ASB3: variants seen among roughly 807,000 people sequenced by gnomAD.
The protein encoded by ASB3 is ankyrin repeat and SOCS box containing 3.
ASB3 carries 41 observed loss-of-function variants against 54.5 expected under a neutral mutation model. The ratio of observed to expected loss-of-function variants is 0.75; its 90% CI spans 0.59 to 0.98. The LOEUF (loss-of-function observed/expected upper bound fraction) is 0.98. Among genes scored for constraint, ASB3 ranks in the 50% least tolerant of loss-of-function variants. The probability of loss-of-function intolerance (pLI) is 0.00; values close to 1 mark genes in which losing one functional copy is unlikely to be tolerated. For missense variants in ASB3, 733 were observed against 620.0 expected (o/e 1.18, Z -1.94); for synonymous variants, 266 against 221.2 (o/e 1.20, Z -1.80).
At chr2:53,755,701 A>G (rs1672775150) in intron 2 of ASB3, among the ~76,000 whole-genome samples, 1 of 152,248 alleles carries the variant, frequency 6.6e-6, no homozygotes, top group Non-Finnish European at 1.5e-5. Context: ...CAGAGACTTC[A>G]TAATGCACAC....
intron 1 of ASB3, chr2:53,772,030 G>C (rs1673956113): frequency 2.5e-6 from 2 of 804,518 alleles, no homozygotes; most frequent in East Asian, 2.8e-5. Flanking sequence ...AATCATCACA[G>C]ACAATTTGAA....
At chr2:53,781,098 C>A (rs1674618317) in intron 1 of ASB3, among the ~76,000 whole-genome samples, 1 of 151,990 alleles carries the variant, frequency 6.6e-6, no homozygotes, top group Non-Finnish European at 1.5e-5. Context: ...GAAATTAAGG[C>A]CTACAATTTT....
At chr2:53,745,679 C>T (rs1398819413) in intron 3 of ASB3, among the ~76,000 whole-genome samples, 1 of 152,180 alleles carries the variant, frequency 6.6e-6, no homozygotes, top group African/African-American at 2.4e-5. Context: ...TAGCCTCTAG[C>T]AATAGGCTAG....
chr2:53,716,066 A>G (rs1387667504), intron 6 of ASB3, among the ~76,000 whole-genome samples: 1 of 152,162 alleles, frequency 6.6e-6, no homozygotes, highest in Non-Finnish European at 1.5e-5. Flanking sequence ...ACTAGCTTCT[A>G]AGATTCCTGG....
intron 7 of ASB3, among the ~76,000 whole-genome samples, chr2:53,713,306 T>C (rs1670208583): frequency 6.6e-6 from 1 of 152,218 alleles, no homozygotes; most frequent in East Asian, 1.9e-4. Flanking sequence ...AGATTCATAA[T>C]AGTGAATTCA....
chr2:53,751,163 G>A (rs1420357955), intron 2 of ASB3, among the ~76,000 whole-genome samples: 9 of 152,098 alleles, frequency 5.9e-5, no homozygotes, highest in African/African-American at 1.9e-4. Flanking sequence ...CTGTCCACTA[G>A]CTCCCATTTT....
At chr2:53,781,530 T>C (rs1044243210) in intron 1 of ASB3, among the ~76,000 whole-genome samples, 3 of 152,174 alleles carry the variant, frequency 2.0e-5, no homozygotes, top group African/African-American at 7.2e-5. Flanking sequence ...AGTTTCACTC[T>C]TGTTGCCCAG....
intron 3 of ASB3, 70 bp from the exon 4 acceptor site, chr2:53,729,640 A>C (rs748199918): frequency 9.6e-6 from 13 of 1,353,142 alleles, no homozygotes; most frequent in Admixed American, 1.7e-5. Context: ...CACTTTGGTG[A>C]TGTTCTCATC....
chr2:53,714,744 C>T (rs750033721), intron 6 of ASB3, among the ~76,000 whole-genome samples, 163 bp from the exon 7 acceptor site: 1 of 152,060 alleles, frequency 6.6e-6, no homozygotes, highest in Non-Finnish European at 1.5e-5. Flanking sequence ...CTATTACATG[C>T]TATATATTTA....
At chr2:53,721,752 A>T (rs1670724398) in intron 5 of ASB3, among the ~76,000 whole-genome samples, 1 of 152,220 alleles carries the variant, frequency 6.6e-6, no homozygotes, top group East Asian at 1.9e-4. Context: ...GAAAGATCTC[A>T]AATTAATGAT....
intron 9 of ASB3, among the ~76,000 whole-genome samples, chr2:53,677,495 TA>T (rs1403162518): frequency 3.3e-5 from 5 of 149,918 alleles, no homozygotes; most frequent in Non-Finnish European, 6.0e-5. Flanking sequence ...AGGTTTTTTT[TA>T]AAAAAAAACT....
intron 7 of ASB3, among the ~76,000 whole-genome samples, chr2:53,705,781 T>C: frequency 6.6e-6 from 1 of 152,224 alleles, no homozygotes; most frequent in Non-Finnish European, 1.5e-5. Context: ...TCTTTTGTAC[T>C]TCTGTGTGGA....
chr2:53,770,294 A>G (rs1252164550), intron 1 of ASB3, among the ~76,000 whole-genome samples: 1 of 152,204 alleles, frequency 6.6e-6, no homozygotes, highest in Admixed American at 6.5e-5. Context: ...TTCCATGATT[A>G]CAAATTATCT....
intron 1 of ASB3, chr2:53,786,224 G>A (rs1472357283): frequency 2.0e-5 from 3 of 152,186 alleles, no homozygotes; most frequent in Admixed American, 1.3e-4. Flanking sequence ...GCAGTCAGAC[G>A]TGACTTAGTT....
intron 9 of ASB3, 144 bp downstream of exon 9, chr2:53,693,740 C>T (rs1336445700): frequency 1.7e-6 from 2 of 1,152,552 alleles, no homozygotes; most frequent in Non-Finnish European, 2.3e-6. Flanking sequence ...CCCCTAACAA[C>T]CCCATCTTTT....
intron 1 of ASB3, chr2:53,774,696 C>G (rs1455186070): frequency 5.8e-6 from 3 of 515,066 alleles, no homozygotes; most frequent in Non-Finnish European, 9.7e-6. Flanking sequence ...AAGAAAAATT[C>G]AAATTTTAAT....
At chr2:53,733,444 C>A (rs1403889328) in intron 3 of ASB3, among the ~76,000 whole-genome samples, 2 of 129,416 alleles carry the variant, frequency 1.5e-5, no homozygotes, top group African/African-American at 6.6e-5. Context: ...TTCTCCACTT[C>A]CTTTTTTTTT....
intron 6 of ASB3, among the ~76,000 whole-genome samples, chr2:53,715,150 G>A (rs866476558): frequency 5.9e-5 from 9 of 151,906 alleles, no homozygotes; most frequent in Non-Finnish European, 1.2e-4. Flanking sequence ...AAATATGGAG[G>A]CAGATTTATA....
intron 7 of ASB3, among the ~76,000 whole-genome samples, chr2:53,709,737 C>T (rs933232687): frequency 1.3e-5 from 2 of 152,286 alleles, no homozygotes; most frequent in Admixed American, 6.5e-5. Flanking sequence ...CAGCTAGCCT[C>T]CAAGATGGCC....
Sources: allele counts gnomAD v4.1 joint callset (sites outside exome capture counted in the v4.1 genomes callset), GRCh38; gene constraint gnomAD v4.1.1; transcripts MANE v1.5; gene names NCBI Gene and HGNC (gene_info 2026-07-23, HGNC 2026-07-21).